Variants in CLCN3 observed in about 807,000 individuals in gnomAD.
CLCN3 encodes the protein H(+)/Cl(-) exchange transporter 3.
Under a neutral mutation model 83.4 loss-of-function variants are expected in CLCN3, and 16 were observed. That is an observed-to-expected ratio of 0.19 (90% CI 0.13 to 0.29). The LOEUF (loss-of-function observed/expected upper bound fraction) is 0.29, where lower values mean the gene tolerates loss of function less well. Among genes scored for constraint, CLCN3 ranks in the 10% least tolerant of loss-of-function variants. The probability of loss-of-function intolerance (pLI) is 1.00; values close to 1 mark genes in which losing one functional copy is unlikely to be tolerated. For missense variants in CLCN3, 544 were observed against 1,006.0 expected (o/e 0.54, Z 6.21); for synonymous variants, 322 against 346.2 (o/e 0.93, Z 0.78).
Position 169,697,450 on chromosome 4 carries a change from C to T in CLCN3, c.1279C>T (p.Pro427Ser). The T allele has an allele frequency of 1.9e-6, 3 of 1,614,178 alleles. No individual in the cohort carries two copies. The highest frequency in any genetic ancestry group is 2.7e-5 in the African/African-American group (2 of 75,054). Residue 427 changes from proline to serine, a missense_variant, in exon 9 of 13, where the codon CCC becomes TCC. Transcript: ENST00000513761. ...RRKSTKFGKY[P>S]VLEVIIVAAI... ...CAAGTCCACGAAATTTGGAAAGTAT[C>T]CCGTTCTGGAAGTCATTATTGTTGC...
At chr4:169,682,982 G>C (rs774115927) in intron 3 of CLCN3, among the ~76,000 whole-genome samples, 1 of 152,170 alleles carries the variant, frequency 6.6e-6, no homozygotes, top group South Asian at 2.1e-4. Flanking sequence ...CCAGTAGACC[G>C]TACTTTGAAA....
At chr4:169,686,151 C>T (rs1185467430) in intron 3 of CLCN3, among the ~76,000 whole-genome samples, 1 of 151,940 alleles carries the variant, frequency 6.6e-6, no homozygotes, top group East Asian at 1.9e-4. Flanking sequence ...GGAAGGGGAA[C>T]ATCACACACT....
At position 169,620,882 on chromosome 4, in the gene CLCN3, A is replaced by C. The variant is rs1420469899; in HGVS notation, c.-198A>C. The C allele has an allele frequency of 2.5e-6, 1 of 398,292 alleles. No homozygotes were observed. The highest frequency in any genetic ancestry group is 4.4e-6 in the Non-Finnish European group (1 of 226,038). 24.7% of individuals were successfully genotyped at this position (398,292 alleles called of 1,614,324 possible). ...GGACAATAAAAGTCCCACCGGGCAAAATTTTCGTAACCTCTGCGGTAGAAA... is the reference window on the plus strand; with the variant it reads ...GGACAATAAAAGTCCCACCGGGCAACATTTTCGTAACCTCTGCGGTAGAAA... On this transcript the variant is annotated 5_prime_UTR_variant, in exon 1 of 13. Transcript: ENST00000513761.
rs531282137 is a variant in CLCN3 at position 169,713,086 on chromosome 4, C to G, written c.2157C>G (p.Ala719=). Residue 719 remains alanine, a synonymous_variant, in exon 12 of 13, where the codon GCC becomes GCG. Transcript: ENST00000513761. ...RRDLTIAIES[A]RKKQEGIVGS... is the part of the protein sequence containing the mutation. ...TCTTCTCTCTCTTTTCAGAAAGTGC[C>G]AGGAAAAAACAAGAAGGTATCGTTG... The G allele has an allele frequency of 5.0e-6, 8 of 1,613,406 alleles. No individual in the cohort carries two copies. The highest frequency in any genetic ancestry group is 1.3e-5 in the African/African-American group (1 of 74,820).
intron 1 of CLCN3, among the ~76,000 whole-genome samples, chr4:169,628,788 T>G (rs887455060): frequency 1.3e-5 from 2 of 152,248 alleles, no homozygotes; most frequent in South Asian, 2.1e-4. Context: ...CCAACTATTG[T>G]ACTCTGACAT....
intron 2 of CLCN3, among the ~76,000 whole-genome samples, chr4:169,676,512 CTT>C (rs11445601): frequency 6.8e-6 from 1 of 147,546 alleles, no homozygotes. Flanking sequence ...TTTTTCTTTT[CTT>C]TTTTTTTTTG....
At chr4:169,697,031 A>G (rs1258485116) in intron 8 of CLCN3, among the ~76,000 whole-genome samples, 158 bp from the exon 9 acceptor site, 1 of 152,196 alleles carries the variant, frequency 6.6e-6, no homozygotes, top group Non-Finnish European at 1.5e-5. Flanking sequence ...AAAAATAATA[A>G]TAACATCAAT....
chr4:169,683,768 G>A (rs541881242), intron 3 of CLCN3, among the ~76,000 whole-genome samples: 20 of 145,842 alleles, frequency 1.4e-4, no homozygotes, highest in Non-Finnish European at 4.5e-5. Flanking sequence ...TTTTTAAGCA[G>A]AGTCTTGCTC....
intron 11 of CLCN3, among the ~76,000 whole-genome samples, 180 bp downstream of exon 11, chr4:169,707,446 T>A (rs897458872): frequency 2.0e-5 from 3 of 152,106 alleles, no homozygotes; most frequent in Non-Finnish European, 4.4e-5. Context: ...TTTTCTGCTA[T>A]TTAGCAGAAA....
At chr4:169,666,362 G>A (rs1731246285) in intron 2 of CLCN3, among the ~76,000 whole-genome samples, 1 of 152,144 alleles carries the variant, frequency 6.6e-6, no homozygotes, top group South Asian at 2.1e-4. Flanking sequence ...TACACCTGGG[G>A]TAAAGGTACA....
At position 169,660,047 on chromosome 4, in the gene CLCN3, CA is replaced by C. The variant is rs538690762; in HGVS notation, c.161-19999del. ...TACCGAAGCTGTATTGTGAGTGTTT[CA>C]AAATTCTCAAACCAGTTTTGTGTGT... On this transcript the variant is annotated intron_variant, in intron 2 of 12. Transcript: ENST00000513761. The C allele has an allele frequency of 2.4e-4, 237 of 1,005,578 alleles. No individual in the cohort carries two copies. In the African/African-American group the frequency reaches 3.8e-3, roughly 16 times the overall value. 62.3% of individuals were successfully genotyped at this position (1,005,578 alleles called of 1,614,324 possible). A position where few individuals can be genotyped will look rare whatever the true frequency, so the allele number is the denominator to read the frequency against.
At chr4:169,633,248 C>A (rs560181197) in intron 1 of CLCN3, among the ~76,000 whole-genome samples, 1 of 152,090 alleles carries the variant, frequency 6.6e-6, no homozygotes, top group African/African-American at 2.4e-5. Context: ...TGACCTCAAG[C>A]GATCCAGCTG....
rs752395754 is a variant in CLCN3 at position 169,704,090 on chromosome 4, C to T, written c.1656C>T (p.His552=). Residue 552 remains histidine (H), a synonymous_variant, in exon 10 of 13, where the codon CAC becomes CAT. Transcript: ENST00000513761. ...GIAVEQLAYY[H]HDWFIFKEWC... is the part of the protein sequence containing the mutation. ...CGGTGGAGCAGCTTGCCTACTATCA[C>T]CACGACTGGTTTATCTTTAAGGAGT... The T allele has an allele frequency of 3.7e-6, 6 of 1,614,060 alleles. No individual in the cohort carries two copies. The Admixed American group carries it at 8.3e-5, about 22-fold the overall frequency.
intron 3 of CLCN3, among the ~76,000 whole-genome samples, chr4:169,686,963 C>T (rs547159203): frequency 6.6e-5 from 10 of 152,270 alleles, no homozygotes; most frequent in South Asian, 2.1e-4. Context: ...CCAATGGGAT[C>T]GGAGCTCTCC....
chr4:169,664,808 T>C (rs1731184185), intron 2 of CLCN3, among the ~76,000 whole-genome samples: 1 of 152,234 alleles, frequency 6.6e-6, no homozygotes, highest in Non-Finnish European at 1.5e-5. Context: ...TCAGAAATGC[T>C]TTGTATCAAG....
intron 12 of CLCN3, among the ~76,000 whole-genome samples, chr4:169,718,401 G>A (rs1190685878): frequency 6.6e-6 from 1 of 152,034 alleles, no homozygotes; most frequent in Non-Finnish European, 1.5e-5. Flanking sequence ...AGTGTAATGT[G>A]TATATTATTT....
At chr4:169,650,341 T>G (rs1375729311) in intron 2 of CLCN3, among the ~76,000 whole-genome samples, 1 of 152,154 alleles carries the variant, frequency 6.6e-6, no homozygotes, top group African/African-American at 2.4e-5. Flanking sequence ...AAAGTATTCT[T>G]AGTTAGAAGA....
intron 6 of CLCN3, among the ~76,000 whole-genome samples, chr4:169,691,420 C>T (rs1732368512): frequency 6.6e-6 from 1 of 152,166 alleles, no homozygotes; most frequent in Admixed American, 6.5e-5. Context: ...AGTAGTTAAT[C>T]ACAGTGGGTC....
chr4:169,660,501 T>G, intron 2 of CLCN3: 5 of 1,229,030 alleles, frequency 4.1e-6, no homozygotes, highest in Non-Finnish European at 5.2e-6. Flanking sequence ...TGCATGCGGC[T>G]GGGCGGTCCT....
Sources: allele counts gnomAD v4.1 joint callset (sites outside exome capture counted in the v4.1 genomes callset), GRCh38; gene constraint gnomAD v4.1.1; transcripts MANE v1.5; gene names NCBI Gene and HGNC (gene_info 2026-07-23, HGNC 2026-07-21).